Variants in PGCKA1 observed in about 807,000 individuals in gnomAD.
PGCKA1 encodes the protein PDCD10 and GCKIII kinases-associated protein 1.
the PGCKA1 span, among the ~76,000 whole-genome samples, chr4:37,510,000 G>GGGGAGAGGGAGA: frequency 6.6e-6 from 1 of 150,398 alleles, no homozygotes; most frequent in African/African-American, 2.5e-5. Context: ...GGAGGGGGAG[G>GGGGAGAGGGAGA]GGGAGAGGGA....
the PGCKA1 span, among the ~76,000 whole-genome samples, chr4:37,541,767 C>T: frequency 6.6e-6 from 1 of 152,132 alleles, no homozygotes; most frequent in Admixed American, 6.5e-5. Context: ...CCCCTCTTTT[C>T]CACTTGTGCT....
the PGCKA1 span, among the ~76,000 whole-genome samples, chr4:37,512,308 A>G: frequency 6.6e-6 from 1 of 152,144 alleles, no homozygotes; most frequent in African/African-American, 2.4e-5. Context: ...ATCTTGCTCC[A>G]GCACTCCCCA....
the PGCKA1 span, among the ~76,000 whole-genome samples, chr4:37,493,009 G>T: frequency 6.6e-6 from 1 of 151,952 alleles, no homozygotes; most frequent in East Asian, 1.9e-4. Flanking sequence ...CCTAGTTATT[G>T]ATATGTGTGT....
the PGCKA1 span, among the ~76,000 whole-genome samples, chr4:37,592,876 C>T: frequency 6.6e-6 from 1 of 152,322 alleles, no homozygotes; most frequent in South Asian, 2.1e-4. Flanking sequence ...ATTTTTACAT[C>T]CCCACAACTG....
the PGCKA1 span, among the ~76,000 whole-genome samples, chr4:37,523,088 C>A: frequency 0.2 from 30,317 of 152,038 alleles, 3,692 homozygotes; most frequent in African/African-American, 0.33. Context: ...GCCTGCCTTT[C>A]AAGTTTACTG....
the PGCKA1 span, among the ~76,000 whole-genome samples, chr4:37,502,682 G>A: frequency 1.3e-5 from 2 of 152,140 alleles, no homozygotes; most frequent in Admixed American, 6.5e-5. Flanking sequence ...TCATATTCAC[G>A]TACCGACACA....
chr4:37,550,804 CAGG>C, the PGCKA1 span, among the ~76,000 whole-genome samples: 1 of 152,104 alleles, frequency 6.6e-6, no homozygotes, highest in African/African-American at 2.4e-5. Flanking sequence ...GGAACTATAA[CAGG>C]AGATCAATGG....
chr4:37,561,047 G>T, the PGCKA1 span, among the ~76,000 whole-genome samples: 2 of 152,196 alleles, frequency 1.3e-5, no homozygotes, highest in Admixed American at 6.5e-5. Flanking sequence ...AGCCCAGCAT[G>T]CACCTCCACT....
the PGCKA1 span, among the ~76,000 whole-genome samples, chr4:37,565,679 C>G: frequency 2.0e-5 from 3 of 152,152 alleles, no homozygotes; most frequent in African/African-American, 4.8e-5. Flanking sequence ...CAATGTCTAG[C>G]CAGTGCTAGA....
At chr4:37,488,973 G>T in the PGCKA1 span, among the ~76,000 whole-genome samples, 2 of 152,136 alleles carry the variant, frequency 1.3e-5, no homozygotes, top group Admixed American at 6.6e-5. Flanking sequence ...TGAAACCCAC[G>T]TATATACCAA....
the PGCKA1 span, among the ~76,000 whole-genome samples, chr4:37,546,544 T>G: frequency 6.6e-6 from 1 of 152,242 alleles, no homozygotes; most frequent in African/African-American, 2.4e-5. Context: ...TTAAAAGGGA[T>G]AGAAATTGTG....
the PGCKA1 span, among the ~76,000 whole-genome samples, chr4:37,546,252 GAAA>G: frequency 6.6e-6 from 1 of 151,916 alleles, no homozygotes; most frequent in African/African-American, 2.4e-5. Flanking sequence ...CCTGTTTTAA[GAAA>G]AAAAACAAGG....
the PGCKA1 span, among the ~76,000 whole-genome samples, chr4:37,580,472 C>T: frequency 6.6e-6 from 1 of 152,056 alleles, no homozygotes; most frequent in Non-Finnish European, 1.5e-5. Context: ...TGATCTGAGC[C>T]ATATCTACAT....
chr4:37,556,796 A>T, the PGCKA1 span, among the ~76,000 whole-genome samples: 2 of 152,204 alleles, frequency 1.3e-5, no homozygotes, highest in Non-Finnish European at 2.9e-5. Context: ...CCCTGCAGGC[A>T]TGGACTTGTG....
the PGCKA1 span, among the ~76,000 whole-genome samples, chr4:37,514,504 T>C: frequency 6.6e-6 from 1 of 152,210 alleles, no homozygotes; most frequent in African/African-American, 2.4e-5. Flanking sequence ...AAATCCTCTC[T>C]TTCCATGATT....
At chr4:37,523,237 T>A in the PGCKA1 span, among the ~76,000 whole-genome samples, 1 of 152,222 alleles carries the variant, frequency 6.6e-6, no homozygotes, top group Admixed American at 6.5e-5. Context: ...CTGAGTTTGG[T>A]CCTGTTTTCC....
At chr4:37,505,507 AT>A in the PGCKA1 span, among the ~76,000 whole-genome samples, 1 of 152,160 alleles carries the variant, frequency 6.6e-6, no homozygotes, top group Non-Finnish European at 1.5e-5. Flanking sequence ...AGACTGGGCA[AT>A]TTACAAAAGA....
the PGCKA1 span, among the ~76,000 whole-genome samples, chr4:37,549,112 G>A: frequency 2.6e-5 from 4 of 152,196 alleles, no homozygotes; most frequent in South Asian, 2.1e-4. Flanking sequence ...AGTTCACTTC[G>A]TGTCTCTCAC....
chr4:37,503,916 T>A, the PGCKA1 span, among the ~76,000 whole-genome samples: 1 of 152,224 alleles, frequency 6.6e-6, no homozygotes, highest in Non-Finnish European at 1.5e-5. Flanking sequence ...GTCTCTTCCC[T>A]TTGTTGATTA....
Sources: gnomAD v4.1 joint callset for allele counts (sites outside exome capture counted in the v4.1 genomes callset) on GRCh38, gnomAD v4.1.1 for gene constraint, MANE v1.5 for transcripts, NCBI Gene and HGNC (gene_info 2026-07-23, HGNC 2026-07-21) for gene names.